Variants in FRMPD2 observed in about 807,000 individuals in gnomAD.
FRMPD2 encodes the protein FERM and PDZ domain containing 2.
A neutral mutation model predicts 140.1 loss-of-function variants in FRMPD2; 96 were observed. The observed-to-expected ratio is 0.69, with a 90% CI of 0.58 to 0.81. The LOEUF is 0.81. FRMPD2 is among the 40% of genes least tolerant of loss of function. The pLI is 0.00. For synonymous variants in FRMPD2, 449 were observed against 547.6 expected (o/e 0.82, Z 2.52); for missense variants, 1,240 against 1,447.4 (o/e 0.86, Z 2.32).
Position 48,249,173 on chromosome 10 carries a change from A to C in FRMPD2, c.157T>G (p.Ser53Ala). 1 of 1,613,774 alleles carries C rather than the reference A, an allele frequency of 6.2e-7. No individual in the cohort carries two copies. Among genetic ancestry groups the C allele is most frequent in the Non-Finnish European group, 8.5e-7 (1 of 1,179,796 alleles). ...QLLEDLRNDS[S>A]DYVVCPWSAL... Reference sequence around the variant, plus strand: ...GACCAGGGGCAAACCACATAGTCCGAGGAATCTGAAACCAAGCCAGTGATG... The same window carrying C: ...GACCAGGGGCAAACCACATAGTCCGCGGAATCTGAAACCAAGCCAGTGATG... The change falls in exon 3 of 29, where the codon TCG becomes GCG. Residue 53 changes from serine to alanine, a missense_variant. Around this residue, in one of 6 missense-constraint regions of FRMPD2, gnomAD observed 1,161 missense variants for 1,055.9 expected, o/e 1.10. Transcript: ENST00000374201.
rs201886245 is a variant in FRMPD2, at chr10:48,212,033, C to T, written c.1532G>A (p.Arg511Gln). 105 of 1,613,938 alleles carry T rather than the reference C, an allele frequency of 6.5e-5. No homozygotes were observed. Among genetic ancestry groups the T allele is most frequent in the African/African-American group, 8.0e-5 (6 of 74,916 alleles). ...ASLIERMTAL[R>Q]VQVEVSEMHR... ...CATCTCTGAGACTTCAACCTGGACC[C>T]GTAGAGCGGTCATCCTCTCGATCAG... The change falls in exon 13 of 29, where the codon CGG becomes CAG. Residue 511 changes from arginine to glutamine, a missense_variant. Coordinates refer to ENST00000374201, the MANE Select transcript of FRMPD2 (RefSeq NM_001018071.4).
chr10:48,226,574 G>A (rs1839726154), intron 10 of FRMPD2, among the ~76,000 whole-genome samples: 1 of 152,180 alleles, frequency 6.6e-6, no homozygotes, highest in South Asian at 2.1e-4. Flanking sequence ...TGACCCTTGT[G>A]TTATTTCTTA....
At position 48,216,972 on chromosome 10, in the gene FRMPD2, A is replaced by T. The variant is rs1323056457; in HGVS notation, c.1456-4863T>A. ...AGTTCAAGGGTAAGCAGTGACAGGGATTGTCAAAAGGGCAGGGAGGAGGTT... is the reference window on the plus strand; with the variant it reads ...AGTTCAAGGGTAAGCAGTGACAGGGTTTGTCAAAAGGGCAGGGAGGAGGTT... On this transcript the variant is annotated intron_variant, in intron 12 of 28. Transcript: ENST00000374201. Among the ~76,000 whole-genome samples the T allele has an allele frequency of 2.0e-5, 3 of 152,132 alleles. No homozygotes were observed. The East Asian group carries it at 5.8e-4, about 29-fold the overall frequency.
At chr10:48,239,531 G>T in intron 7 of FRMPD2, 74 bp downstream of exon 7, 2 of 1,050,556 alleles carry the variant, frequency 1.9e-6, no homozygotes, top group South Asian at 2.9e-5. Flanking sequence ...AATCAGTAAA[G>T]AAATAAGGTA....
At chr10:48,232,331 C>A in intron 9 of FRMPD2, 42 bp from the exon 10 acceptor site, 2 of 1,465,748 alleles carry the variant, frequency 1.4e-6, no homozygotes, top group East Asian at 2.3e-5. Flanking sequence ...AATTATAAGT[C>A]ATTGAGCCTT....
chr10:48,178,958 TA>T (rs1180342888), intron 21 of FRMPD2: 1 of 152,026 alleles, frequency 6.6e-6, no homozygotes, highest in African/African-American at 2.4e-5. Context: ...GGGTTGATAA[TA>T]GGAATGATCT....
chr10:48,207,000 T>C, intron 13 of FRMPD2, 67 bp from the exon 14 acceptor site: 7 of 1,437,718 alleles, frequency 4.9e-6, no homozygotes, highest in Non-Finnish European at 6.7e-6. Context: ...CCTCACGCCA[T>C]TCACTCCATG....
intron 1 of FRMPD2, among the ~76,000 whole-genome samples, chr10:48,256,217 C>T (rs1840484677): frequency 6.6e-6 from 1 of 152,080 alleles, no homozygotes; most frequent in African/African-American, 2.4e-5. Context: ...TGCTCCCTGC[C>T]CCCCCACCCA....
Position 48,212,117 on chromosome 10 carries a change from T to C in FRMPD2, c.1456-8A>G, listed in dbSNP as rs1294455320. ...TGGCTTACTCTCCACCTGCTGGAAG[T>C]AAGATGTAGAAGGGAAGGGCACAAT... On this transcript the variant is annotated splice_polypyrimidine_tract_variant and splice_region_variant and intron_variant, in intron 12 of 28. Coordinates refer to ENST00000374201, the MANE Select transcript of FRMPD2 (RefSeq NM_001018071.4). 6.2e-7 allele frequency: 1 copy of C among 1,613,640 alleles called. No homozygotes were observed. Among genetic ancestry groups the C allele is most frequent in the African/African-American group, 1.3e-5 (1 of 74,980 alleles).
In FRMPD2 at chr10:48,274,684, G is replaced by A; in HGVS notation, c.-117C>T. ...CCCTGCCACCAGCACTGTTGCCGCT[G>A]TCTTTGTTTACTGCTTGTCACTAAG... On this transcript the variant is annotated 5_prime_UTR_variant, in exon 1 of 29. Transcript: ENST00000374201. 1.1e-6 allele frequency: 1 copy of A among 930,384 alleles called. No homozygotes were observed. The allele number at this position is 930,384 out of a possible 1,614,324, so 57.6% of individuals were successfully genotyped here. A position where few individuals can be genotyped will look rare whatever the true frequency, so the allele number is the denominator to read the frequency against.
chr10:48,203,397 T>C (rs892895345), intron 14 of FRMPD2, among the ~76,000 whole-genome samples: 1 of 152,220 alleles, frequency 6.6e-6, no homozygotes, highest in African/African-American at 2.4e-5. Context: ...ACTCTGTGTA[T>C]ACGATGATGT....
At chr10:48,260,719 T>G (rs1358084070) in intron 1 of FRMPD2, among the ~76,000 whole-genome samples, 2 of 152,128 alleles carry the variant, frequency 1.3e-5, no homozygotes, top group African/African-American at 2.4e-5. Flanking sequence ...ACCCCATACA[T>G]CATGTCCAGC....
Position 48,206,948 on chromosome 10 carries a change from G to T in FRMPD2, c.1612-15C>A, listed in dbSNP as rs780934793. Reference sequence around the variant, plus strand: ...TGCTGAGTGACCTGGAGCAGAAAAAGGCTGATTTAGAAGAGACAGGCACAT... The same window carrying T: ...TGCTGAGTGACCTGGAGCAGAAAAATGCTGATTTAGAAGAGACAGGCACAT... On this transcript the variant is annotated splice_polypyrimidine_tract_variant and intron_variant, in intron 13 of 28. Transcript: ENST00000374201. 99 of 1,611,976 alleles carry T rather than the reference G, an allele frequency of 6.1e-5. No individual in the cohort carries two copies. The highest frequency in any genetic ancestry group is 8.1e-5 in the Non-Finnish European group (96 of 1,178,904).
intron 12 of FRMPD2, among the ~76,000 whole-genome samples, chr10:48,213,054 G>A (rs972941845): frequency 2.0e-5 from 3 of 152,194 alleles, no homozygotes; most frequent in Non-Finnish European, 2.9e-5. Flanking sequence ...AGGCAAGTGG[G>A]AGCTGGGAGA....
At chr10:48,249,567 G>C (rs1384572018) in intron 2 of FRMPD2, among the ~76,000 whole-genome samples, 3 of 152,204 alleles carry the variant, frequency 2.0e-5, no homozygotes, top group Non-Finnish European at 4.4e-5. Flanking sequence ...GGGGAAGAGG[G>C]AGAAGATGAC....
chr10:48,226,522 C>A (rs1314116966), intron 10 of FRMPD2, among the ~76,000 whole-genome samples: 1 of 152,222 alleles, frequency 6.6e-6, no homozygotes, highest in Non-Finnish European at 1.5e-5. Context: ...GTTAAAGGCA[C>A]TTTTAAGCGC....
intron 1 of FRMPD2, among the ~76,000 whole-genome samples, chr10:48,255,089 G>A (rs192815480): frequency 7.0e-6 from 1 of 142,606 alleles, no homozygotes; most frequent in Non-Finnish European, 1.6e-5. Flanking sequence ...TGGGCATTTT[G>A]GGGGGGCCCC....
At chr10:48,223,506 A>G (rs190034858) in intron 10 of FRMPD2, among the ~76,000 whole-genome samples, 3 of 152,298 alleles carry the variant, frequency 2.0e-5, no homozygotes, top group Non-Finnish European at 4.4e-5. Flanking sequence ...CCAAGAGGAG[A>G]AAATACCGTT....
At chr10:48,188,464 C>T (rs1324032952) in intron 16 of FRMPD2, among the ~76,000 whole-genome samples, 2 of 152,194 alleles carry the variant, frequency 1.3e-5, no homozygotes, top group African/African-American at 2.4e-5. Flanking sequence ...GCAGCACGAT[C>T]GACCCACAGT....
Sources: allele counts gnomAD v4.1 joint callset (sites outside exome capture counted in the v4.1 genomes callset), GRCh38; gene constraint gnomAD v4.1.1; regional missense constraint gnomAD v4.1.1; transcripts MANE v1.5; gene names NCBI Gene and HGNC (gene_info 2026-07-23, HGNC 2026-07-21).